The following EXOC3 variants were observed in gnomAD, a reference collection of about 807,000 sequenced individuals.
EXOC3 encodes SEC6-like 1.
A neutral mutation model predicts 73.7 loss-of-function variants in EXOC3; 21 were observed. That is an observed-to-expected ratio of 0.29 (90% CI 0.20 to 0.41). The LOEUF (loss-of-function observed/expected upper bound fraction) is 0.41, where lower values mean the gene tolerates loss of function less well. Among genes scored for constraint, EXOC3 ranks in the 10% least tolerant of loss-of-function variants. EXOC3 has a pLI of 1.00. For missense variants in EXOC3, 842 were observed against 985.1 expected (o/e 0.85, Z 1.95); for synonymous variants, 410 against 389.1 (o/e 1.05, Z -0.63).
At chr5:450,662 T>C (rs11745789) in intron 3 of EXOC3, among the ~76,000 whole-genome samples, 40,352 of 152,146 alleles carry the variant, frequency 0.27, 6,989 homozygotes, top group Non-Finnish European at 0.39. Context: ...CTGAATGTTT[T>C]TCCCTTCAGT....
intron 5 of EXOC3, chr5:457,382 C>T (rs1174869544): frequency 3.6e-6 from 1 of 277,124 alleles, no homozygotes; most frequent in East Asian, 8.7e-5. Context: ...GCCTGGTGAC[C>T]ACCAGGTGGT....
Position 465,094 on chromosome 5 carries a change from C to T in EXOC3, c.1777-17C>T, listed in dbSNP as rs762945048. ...CAGAGCCGTGGAGCCTGCCGCTGAC[C>T]GCGCGTGTCTCCCCAGAGGATGACG... On this transcript the variant is annotated splice_polypyrimidine_tract_variant and intron_variant, in intron 10 of 12. Transcript: ENST00000512944. 1.3e-6 allele frequency: 2 copies of T among 1,543,516 alleles called. No individual in the cohort carries two copies. The highest frequency in any genetic ancestry group is 2.4e-5 in the East Asian group (1 of 41,634).
chr5:459,314 C>T (rs979047342), intron 6 of EXOC3, 45 bp from the exon 7 acceptor site: 4 of 1,045,582 alleles, frequency 3.8e-6, no homozygotes, highest in Non-Finnish European at 5.6e-6. Context: ...TCTTAGTATA[C>T]TCCTGTAAGA....
intron 12 of EXOC3, 62 bp downstream of exon 12, chr5:465,907 C>T (rs969848362): frequency 3.6e-5 from 56 of 1,540,350 alleles, no homozygotes; most frequent in Middle Eastern, 1.7e-4. Flanking sequence ...CAGGTCCCTC[C>T]TTCTGTCTGG....
chr5:464,560 A>G, intron 10 of EXOC3, 148 bp downstream of exon 10: 2 of 789,194 alleles, frequency 2.5e-6, no homozygotes, highest in East Asian at 5.5e-5. Flanking sequence ...GGCTCTGCGG[A>G]CGCCACCTCC....
intron 2 of EXOC3, 150 bp from the exon 3 acceptor site, chr5:447,383 G>C: frequency 1.7e-6 from 1 of 592,598 alleles, no homozygotes; most frequent in Non-Finnish European, 3.0e-6. Flanking sequence ...TTAAATCCTT[G>C]TTGATTTTAT....
intron 10 of EXOC3, chr5:464,636 A>T: frequency 2.0e-6 from 1 of 500,554 alleles, no homozygotes; most frequent in South Asian, 2.1e-5. Flanking sequence ...GGAGGGAGCC[A>T]TGGTTCCCGG....
chr5:460,004 C>T (rs12188597), intron 7 of EXOC3, among the ~76,000 whole-genome samples: 21,314 of 152,278 alleles, frequency 0.14, 1,950 homozygotes, highest in Non-Finnish European at 0.2. Flanking sequence ...CTAATCTGTT[C>T]TCCCCTGCCC....
At chr5:445,382 C>G (rs187822166) in intron 1 of EXOC3, among the ~76,000 whole-genome samples, 4,472 of 147,084 alleles carry the variant, frequency 0.03, 111 homozygotes, top group Admixed American at 0.063. Context: ...CGGAGTCTCG[C>G]TCTGTCGCCC....
chr5:463,850 A>G (rs181168649), intron 9 of EXOC3, among the ~76,000 whole-genome samples: 3 of 152,388 alleles, frequency 2.0e-5, no homozygotes, highest in African/African-American at 7.2e-5. Context: ...AATACGATAA[A>G]TATATGTAGC....
At position 446,176 on chromosome 5, in the gene EXOC3, C is replaced by A; in HGVS notation, c.-30C>A. 1 of 1,613,690 alleles carries A rather than the reference C, an allele frequency of 6.2e-7. No homozygotes were observed. Among genetic ancestry groups the A allele is most frequent in the South Asian group, 1.1e-5 (1 of 91,060 alleles). On this transcript the variant is annotated 5_prime_UTR_variant, in exon 2 of 13. Coordinates refer to ENST00000512944, the MANE Select transcript of EXOC3 (RefSeq NM_007277.5). ...GCACAGAGAACACCCCTAGCATGAA[C>A]AGTGTGAGGATTCCACCAGCTTTTT...
intron 12 of EXOC3, 59 bp from the exon 13 acceptor site, chr5:466,668 C>A (rs1738161537): frequency 6.5e-7 from 1 of 1,530,096 alleles, no homozygotes; most frequent in Non-Finnish European, 8.9e-7. Context: ...GAGTCCCTGG[C>A]AGCGTGGTGC....
chr5:463,486 C>T (rs763076474), intron 9 of EXOC3, among the ~76,000 whole-genome samples: 15 of 152,122 alleles, frequency 9.9e-5, no homozygotes, highest in Non-Finnish European at 2.9e-5. Context: ...TGGCAGGAGC[C>T]GGAGACGTGG....
intron 3 of EXOC3, among the ~76,000 whole-genome samples, chr5:452,860 C>T (rs1560936542): frequency 6.6e-6 from 1 of 152,238 alleles, no homozygotes; most frequent in African/African-American, 2.4e-5. Flanking sequence ...AGAAGGGGAA[C>T]AGATGAAGGG....
At position 465,725 on chromosome 5, in the gene EXOC3, G is replaced by A. The variant is rs1302914141; in HGVS notation, c.1946G>A (p.Gly649Glu). 6.2e-7 allele frequency: 1 copy of A among 1,613,750 alleles called. No individual in the cohort carries two copies. Among genetic ancestry groups the A allele is most frequent in the Non-Finnish European group, 8.5e-7 (1 of 1,179,870 alleles). Residue 649 changes from glycine to glutamate, a missense_variant, in exon 12 of 13, where the codon GGG (glycine) becomes GAG (glutamate). Coordinates refer to ENST00000512944, the MANE Select transcript of EXOC3 (RefSeq NM_007277.5). ...ATTGCTGCTGCCTTCCAGGGTTTCG[G>A]GGAAGACGTGGACGGATACTGCGAC... ...FLFRKLASGF[G>E]EDVDGYCDTI...
At chr5:457,122 C>G in intron 5 of EXOC3, 116 bp downstream of exon 5, 1 of 721,466 alleles carries the variant, frequency 1.4e-6, no homozygotes, top group Non-Finnish European at 2.4e-6. Flanking sequence ...TCCTAGGATG[C>G]ATTGCTCAGT....
At chr5:449,517 T>C (rs1308006294) in intron 3 of EXOC3, among the ~76,000 whole-genome samples, 1 of 152,260 alleles carries the variant, frequency 6.6e-6, no homozygotes, top group African/African-American at 2.4e-5. Flanking sequence ...TGGATGACTC[T>C]GAAGACCTCA....
intron 3 of EXOC3, among the ~76,000 whole-genome samples, chr5:451,716 T>C (rs1737664318): frequency 6.6e-6 from 1 of 152,276 alleles, no homozygotes; most frequent in Non-Finnish European, 1.5e-5. Context: ...TGGGACTCTA[T>C]TTAAGCATTT....
rs1422908713 is a variant in EXOC3, at chr5:457,775, A to G, written c.1165-125A>G. On this transcript the variant is annotated intron_variant, in intron 5 of 12. Transcript: ENST00000512944. ...CTGCTCTGGAGTCCTCATTTGAGAA[A>G]GAGGACGCTGGTGCCCTGTGTCTGG... 5 of 1,061,412 alleles carry G rather than the reference A, an allele frequency of 4.7e-6. No individual in the cohort carries two copies. In the South Asian group the frequency reaches 4.9e-5, roughly 10 times the overall value. 65.7% of individuals were successfully genotyped at this position (1,061,412 alleles called of 1,614,324 possible).
Sources: allele counts gnomAD v4.1 joint callset (sites outside exome capture counted in the v4.1 genomes callset), GRCh38; gene constraint gnomAD v4.1.1; transcripts MANE v1.5; gene names NCBI Gene and HGNC (gene_info 2026-07-23, HGNC 2026-07-21).